Variants in COL24A1 observed in about 807,000 individuals in gnomAD.
The protein encoded by COL24A1 is collagen alpha-1(XXIV) chain.
A neutral mutation model predicts 253.9 loss-of-function variants in COL24A1; 224 were observed. The ratio of observed to expected loss-of-function variants is 0.88; its 90% CI spans 0.79 to 0.99. The LOEUF is 0.99. Among genes scored for constraint, COL24A1 ranks in the 50% least tolerant of loss-of-function variants. The probability of loss-of-function intolerance (pLI) is 0.00; values close to 1 mark genes in which losing one functional copy is unlikely to be tolerated. For synonymous variants in COL24A1, 685 were observed against 673.7 expected, an observed-to-expected ratio of 1.02 and a Z score of -0.26; for missense variants, 2,131 against 2,068.5, an observed-to-expected ratio of 1.03 and a Z score of -0.59.
chr1:85,762,259 A>C (rs537000261), intron 53 of COL24A1, among the ~76,000 whole-genome samples: 1 of 152,318 alleles, frequency 6.6e-6, no homozygotes, highest in East Asian at 1.9e-4. Flanking sequence ...TGGCAAAGCA[A>C]CACTTATCTT....
chr1:85,987,299 A>T (rs1018943785), intron 20 of COL24A1, among the ~76,000 whole-genome samples: 6 of 151,722 alleles, frequency 4.0e-5, no homozygotes, highest in Non-Finnish European at 8.9e-5. Context: ...GGGAATTCTC[A>T]TCCATTTACT....
At chr1:86,150,767 T>C (rs1200560875) in intron 1 of COL24A1, among the ~76,000 whole-genome samples, 3 of 152,180 alleles carry the variant, frequency 2.0e-5, no homozygotes, top group Non-Finnish European at 2.9e-5. Flanking sequence ...CTCCTTATGA[T>C]GTTACATTTA....
intron 28 of COL24A1, among the ~76,000 whole-genome samples, chr1:85,898,148 A>G (rs1194091246): frequency 6.6e-6 from 1 of 152,224 alleles, no homozygotes; most frequent in Non-Finnish European, 1.5e-5. Flanking sequence ...TCTGAAGTTC[A>G]CTTACAAATA....
chr1:86,027,060 A>C (rs935716469), intron 14 of COL24A1, among the ~76,000 whole-genome samples: 1 of 152,190 alleles, frequency 6.6e-6, no homozygotes, highest in Non-Finnish European at 1.5e-5. Context: ...AGAAATTTTT[A>C]AGCAGCAAAG....
chr1:85,979,341 TCAGAG>T (rs1468625422), intron 20 of COL24A1, among the ~76,000 whole-genome samples: 1 of 151,576 alleles, frequency 6.6e-6, no homozygotes, highest in East Asian at 1.9e-4. Flanking sequence ...ATAATAAAGA[TCAGAG>T]CAGAACTAAA....
intron 10 of COL24A1, among the ~76,000 whole-genome samples, chr1:86,054,852 T>C (rs1018688129): frequency 1.3e-5 from 2 of 152,200 alleles, no homozygotes; most frequent in Non-Finnish European, 2.9e-5. Context: ...ATATGTTTAT[T>C]GCAGTACTAT....
chr1:86,055,834 A>G (rs1281462117), intron 10 of COL24A1, among the ~76,000 whole-genome samples: 1 of 152,164 alleles, frequency 6.6e-6, no homozygotes, highest in Non-Finnish European at 1.5e-5. Context: ...TAAAAGAAGT[A>G]TTAAGGGGCT....
chr1:85,788,550 C>T (rs886781183), intron 47 of COL24A1, among the ~76,000 whole-genome samples: 2 of 152,178 alleles, frequency 1.3e-5, no homozygotes, highest in Non-Finnish European at 2.9e-5. Context: ...TTCTGCTGTG[C>T]AGAAGCTCTT....
intron 2 of COL24A1, among the ~76,000 whole-genome samples, chr1:86,144,599 C>G (rs1572070444): frequency 6.6e-6 from 1 of 152,088 alleles, no homozygotes; most frequent in Admixed American, 6.5e-5. Flanking sequence ...AGAGATGATA[C>G]AAAATATACA....
chr1:85,800,960 C>A (rs568443202), intron 47 of COL24A1, among the ~76,000 whole-genome samples: 1 of 152,148 alleles, frequency 6.6e-6, no homozygotes, highest in African/African-American at 2.4e-5. Context: ...AAAACAAACA[C>A]AAAATGCATC....
chr1:85,737,592 T>G, intron 57 of COL24A1, 87 bp from the exon 58 acceptor site: 1 of 904,402 alleles, frequency 1.1e-6, no homozygotes, highest in Non-Finnish European at 1.7e-6. Flanking sequence ...AGAGAGAGTC[T>G]CATTCTGTTA....
intron 2 of COL24A1, among the ~76,000 whole-genome samples, chr1:86,127,091 T>C (rs1572013935): frequency 6.6e-6 from 1 of 152,104 alleles, no homozygotes; most frequent in Non-Finnish European, 1.5e-5. Flanking sequence ...CTTAAAGTAT[T>C]CTGGTTACCA....
chr1:85,826,547 C>G lies in COL24A1; in HGVS notation c.3682-2809G>C, dbSNP rs1298181549. On this transcript the variant is annotated intron_variant, in intron 43 of 59. Transcript: ENST00000370571. ...GCCATTTTCACGATATTGATTCTTC[C>G]TACCCATGAGCATGGAATGTTCTTC... is the stretch of plus-strand genomic sequence containing the variant. 7.6e-5 allele frequency among the ~76,000 whole-genome samples: 11 copies of G among 145,314 alleles called. No individual in the cohort carries two copies. The East Asian group carries it at 1.2e-3, about 16-fold the overall frequency.
chr1:85,903,075 A>AT (rs1684482013), intron 28 of COL24A1, among the ~76,000 whole-genome samples: 1 of 151,760 alleles, frequency 6.6e-6, no homozygotes, highest in Non-Finnish European at 1.5e-5. Context: ...CCTTAAAAAA[A>AT]CCCATTACTT....
chr1:86,010,474 C>T (rs1393305597), intron 19 of COL24A1, among the ~76,000 whole-genome samples: 1 of 152,100 alleles, frequency 6.6e-6, no homozygotes, highest in East Asian at 1.9e-4. Flanking sequence ...TTCAGTGTCA[C>T]TTATAGTGAG....
At chr1:85,990,891 A>C (rs1231156119) in intron 19 of COL24A1, among the ~76,000 whole-genome samples, 2 of 152,236 alleles carry the variant, frequency 1.3e-5, no homozygotes, top group Non-Finnish European at 2.9e-5. Context: ...GTGAAGAATC[A>C]AGAATTTGTT....
At chr1:85,857,567 TGTCC>T (rs1171454622) in intron 37 of COL24A1, among the ~76,000 whole-genome samples, 1 of 151,876 alleles carries the variant, frequency 6.6e-6, no homozygotes, top group Non-Finnish European at 1.5e-5. Context: ...AAGATTACCC[TGTCC>T]CAATTAGCAC....
At chr1:86,089,721 G>T (rs12758598) in intron 6 of COL24A1, among the ~76,000 whole-genome samples, 1 of 152,198 alleles carries the variant, frequency 6.6e-6, no homozygotes, top group East Asian at 1.9e-4. Context: ...TCAGGAGGCT[G>T]AGGCCGGAAA....
intron 53 of COL24A1, among the ~76,000 whole-genome samples, chr1:85,763,258 A>G (rs538807255): frequency 5.1e-4 from 78 of 151,784 alleles, no homozygotes; most frequent in Middle Eastern, 6.8e-3. Context: ...CTCTACTAAA[A>G]TACAAAAAAA....
Sources: gnomAD v4.1 joint callset for allele counts (sites outside exome capture counted in the v4.1 genomes callset) on GRCh38, gnomAD v4.1.1 for gene constraint, MANE v1.5 for transcripts, NCBI Gene and HGNC (gene_info 2026-07-23, HGNC 2026-07-21) for gene names.